Variants in ZNF324 observed in about 807,000 individuals in gnomAD.
ZNF324 encodes the protein zinc finger protein 324A.
Under a neutral mutation model 10.3 loss-of-function variants are expected in ZNF324, and 3 were observed. The observed-to-expected ratio is 0.29, with a 90% confidence interval of 0.13 to 0.75. ZNF324 has a LOEUF of 0.75. Ranked by LOEUF, ZNF324 falls within the 30% of genes least tolerant of loss-of-function variation. The probability of loss-of-function intolerance (pLI) is 0.69; values close to 1 mark genes in which losing one functional copy is unlikely to be tolerated. For missense variants in ZNF324, 763 were observed against 784.4 expected, an observed-to-expected ratio of 0.97 and a Z score of 0.33; for synonymous variants, 430 against 339.5, an observed-to-expected ratio of 1.27 and a Z score of -2.93.
Position 58,474,848 on chromosome 19 carries a change from T to G in ZNF324, c.*2694T>G, listed in dbSNP as rs935614555. 1.3e-5 allele frequency: 2 copies of G among 152,198 alleles called. No individual in the cohort carries two copies. Among genetic ancestry groups the G allele is most frequent in the African/African-American group, 4.8e-5 (2 of 41,384 alleles). The allele number at this position is 152,198 out of a possible 1,614,324, so 9.4% of individuals were successfully genotyped here. The stretch of plus-strand genomic sequence containing the variant: ...GCTAGAAGTGGGTGAGAGCTGTCAC[T>G]AAGTTAGGGAAGGCAAAATACTACG... On this transcript the variant is annotated 3_prime_UTR_variant, in exon 4 of 4. Coordinates refer to ENST00000196482, the MANE Select transcript of ZNF324 (RefSeq NM_014347.3).
In ZNF324 at chr19:58,472,426, T is replaced by G. The variant is rs2053045231; in HGVS notation, c.*272T>G. ...TGGGGCCGAGACTATTCAGAGCCAG[T>G]AGGAGGCCGACAGTCACAGCACTGC... On this transcript the variant is annotated 3_prime_UTR_variant, in exon 4 of 4. Coordinates refer to ENST00000196482, the MANE Select transcript of ZNF324 (RefSeq NM_014347.3). 8.2e-6 allele frequency: 4 copies of G among 490,642 alleles called. No individual in the cohort carries two copies. Among genetic ancestry groups the G allele is most frequent in the East Asian group, 3.1e-5 (1 of 31,800 alleles). 30.4% of individuals were successfully genotyped at this position (490,642 alleles called of 1,614,324 possible). A position where few individuals can be genotyped will look rare whatever the true frequency, so the allele number is the denominator to read the frequency against.
Position 58,471,515 on chromosome 19 carries a change from C to T in ZNF324, c.1023C>T (p.Phe341=). The T allele has an allele frequency of 6.4e-7, 1 of 1,574,418 alleles. No individual in the cohort carries two copies. The highest frequency in any genetic ancestry group is 8.6e-7 in the Non-Finnish European group (1 of 1,158,098). The change falls in exon 4 of 4, where the codon TTC becomes TTT. Residue 341 remains phenylalanine, a synonymous_variant. Coordinates refer to ENST00000196482, the MANE Select transcript of ZNF324 (RefSeq NM_014347.3). Reference sequence around the variant, plus strand: ...GCATCCACACGGCCGAGAAGTCCTTCCGCTGCTCCGAGTGCGGCAAGGCCT... The same window carrying T: ...GCATCCACACGGCCGAGAAGTCCTTTCGCTGCTCCGAGTGCGGCAAGGCCT... ...HQRIHTAEKS[F]RCSECGKAFS...
rs1440222239 is a variant in ZNF324, at chr19:58,471,440, C to T, written c.948C>T (p.Pro316=). The change falls in exon 4 of 4, where the codon CCC becomes CCT. Residue 316 remains proline, a synonymous_variant. Coordinates refer to ENST00000196482, the MANE Select transcript of ZNF324 (RefSeq NM_014347.3). ...GCGGCGAGACGCCCTACGCGTGCCC[C>T]GTGTGCGGCAAGGCCTTCCGGCATA... ...IHSGETPYAC[P]VCGKAFRHSS... 4.4e-6 allele frequency: 7 copies of T among 1,604,630 alleles called. No homozygotes were observed. Among genetic ancestry groups the T allele is most frequent in the Non-Finnish European group, 6.0e-6 (7 of 1,174,736 alleles).
chr19:58,472,437 C>T lies in ZNF324; in HGVS notation c.*283C>T, dbSNP rs2053045416. The T allele has an allele frequency of 6.2e-6, 3 of 480,494 alleles. No homozygotes were observed. The highest frequency in any genetic ancestry group is 1.9e-5 in the African/African-American group (1 of 52,110). The allele number at this position is 480,494 out of a possible 1,614,324, so 29.8% of individuals were successfully genotyped here. ...CTATTCAGAGCCAGTAGGAGGCCGACAGTCACAGCACTGCACTGTGGTGCG... is the reference window on the plus strand; with the variant it reads ...CTATTCAGAGCCAGTAGGAGGCCGATAGTCACAGCACTGCACTGTGGTGCG... On this transcript the variant is annotated 3_prime_UTR_variant, in exon 4 of 4. Transcript: ENST00000196482.
In ZNF324 at chr19:58,469,199, A is replaced by C; in HGVS notation, c.14A>C (p.Asp5Ala). 1 of 1,614,144 alleles carries C rather than the reference A, an allele frequency of 6.2e-7. No individual in the cohort carries two copies. Among genetic ancestry groups the C allele is most frequent in the Non-Finnish European group, 8.5e-7 (1 of 1,180,012 alleles). ...TTTTAGGACCAGATGGCCTTTGAGG[A>C]TGTGGCTGTGTACTTCTCCCAGGAG... MAFEDVAVYFSQEEW... is the reference protein window; with the variant it reads MAFEAVAVYFSQEEW... Residue 5 changes from aspartate (D) to alanine (A), a missense_variant, in exon 2 of 4, where the codon GAT becomes GCT. Transcript: ENST00000196482.
rs1225006496 is a variant in ZNF324, at chr19:58,469,839, A to G, written c.233A>G (p.Asn78Ser). ...TCCAGGACCACCTACAGGAGGCGCA[A>G]CCCTGGTGAGAGGGAGCTCAGGGTG... is the stretch of plus-strand genomic sequence containing the variant. ...TLSRTTYRRR[N>S]PGSWSLTEDR... The change falls in exon 3 of 4, where the codon AAC becomes AGC. Residue 78 changes from asparagine to serine, a missense_variant. By Grantham distance (46) the Asn-to-Ser change is conservative. This residue lies in a region of ZNF324 where 379 missense variants were observed against 319.4 expected (regional missense o/e 1.19). Transcript: ENST00000196482. The G allele has an allele frequency of 1.3e-6, 2 of 1,597,802 alleles. No individual in the cohort carries two copies. The highest frequency in any genetic ancestry group is 8.5e-7 in the Non-Finnish European group (1 of 1,172,166).
Position 58,472,325 on chromosome 19 carries a change from C to A in ZNF324, c.*171C>A. 1.5e-6 allele frequency: 1 copy of A among 671,774 alleles called. No homozygotes were observed. The highest frequency in any genetic ancestry group is 2.5e-6 in the Non-Finnish European group (1 of 407,648). The allele number at this position is 671,774 out of a possible 1,614,324, so 41.6% of individuals were successfully genotyped here. On this transcript the variant is annotated 3_prime_UTR_variant, in exon 4 of 4. Transcript: ENST00000196482. ...TGGGGACAGGATTTGCCAGTTCACC[C>A]ACAGATCACACCTCCATCCCCAAAG...
At position 58,471,239 on chromosome 19, in the gene ZNF324, T is replaced by C; in HGVS notation, c.747T>C (p.Ala249=). ...CGACCTGGGACGAGCTGGGCGAGGC[T>C]CTTCACGCTGGGGAGAAGTCCTTCG... ...EPSTWDELGE[A]LHAGEKSFEC... Residue 249 remains alanine (A), a synonymous_variant, in exon 4 of 4, where the codon GCT becomes GCC. Transcript: ENST00000196482. 1 of 1,613,482 alleles carries C rather than the reference T, an allele frequency of 6.2e-7. No individual in the cohort carries two copies. The highest frequency in any genetic ancestry group is 1.3e-5 in the African/African-American group (1 of 74,982).
At chr19:58,470,653 T>C (rs1193697251) in intron 3 of ZNF324, 78 bp from the exon 4 acceptor site, 5 of 1,586,204 alleles carry the variant, frequency 3.2e-6, no homozygotes, top group Non-Finnish European at 4.3e-6. Context: ...CGGGGTTCCT[T>C]CTTGCCTGTC....
At position 58,470,931 on chromosome 19, in the gene ZNF324, C is replaced by A. The variant is rs1355122364; in HGVS notation, c.439C>A (p.Leu147Ile). 6.2e-7 allele frequency: 1 copy of A among 1,614,244 alleles called. No individual in the cohort carries two copies. Among genetic ancestry groups the A allele is most frequent in the Non-Finnish European group, 8.5e-7 (1 of 1,180,048 alleles). Residue 147 changes from leucine to isoleucine, a missense_variant, in exon 4 of 4, where the codon CTC becomes ATC. Physicochemically the swap from Leu to Ile is conservative, Grantham distance 5. This residue lies in a region of ZNF324 where 379 missense variants were observed against 319.4 expected (regional missense o/e 1.19). Coordinates refer to ENST00000196482, the MANE Select transcript of ZNF324 (RefSeq NM_014347.3). Reference protein sequence around the residue: ...TGVSVIYWERLLLGSGSGQAS... With the variant: ...TGVSVIYWERILLGSGSGQAS... ...GGTGTCGGTGATCTACTGGGAGAGG[C>A]TCCTGCTAGGCTCAGGCAGTGGGCA...
Position 58,471,764 on chromosome 19 carries a change from C to A in ZNF324, c.1272C>A (p.Pro424=). 1.2e-6 allele frequency: 2 copies of A among 1,612,970 alleles called. No individual in the cohort carries two copies. Among genetic ancestry groups the A allele is most frequent in the Non-Finnish European group, 1.7e-6 (2 of 1,179,772 alleles). The change falls in exon 4 of 4, where the codon CCC becomes CCA. Residue 424 remains proline (P), a synonymous_variant. Coordinates refer to ENST00000196482, the MANE Select transcript of ZNF324 (RefSeq NM_014347.3). ...KHQRVHTGEK[P]FACPQCGRAF... is the part of the protein sequence containing the mutation. Reference sequence around the variant, plus strand: ...AGCGCGTGCACACAGGCGAGAAGCCCTTCGCCTGCCCACAGTGCGGCCGCG... The same window carrying A: ...AGCGCGTGCACACAGGCGAGAAGCCATTCGCCTGCCCACAGTGCGGCCGCG...
At chr19:58,470,559 A>G (rs1478690939) in intron 3 of ZNF324, 172 bp from the exon 4 acceptor site, 1 of 782,990 alleles carries the variant, frequency 1.3e-6, no homozygotes, top group Non-Finnish European at 2.2e-6. Context: ...CATACCTATC[A>G]GGGCAGATTG....
intron 3 of ZNF324, 117 bp from the exon 4 acceptor site, chr19:58,470,614 A>T: frequency 7.6e-7 from 1 of 1,315,096 alleles, no homozygotes. Flanking sequence ...CCTCACCTCT[A>T]CTTTTCCCCT....
rs573563042 is a variant in ZNF324 at position 58,472,384 on chromosome 19, T to C, written c.*230T>C. 3.2e-5 allele frequency: 18 copies of C among 559,954 alleles called. No individual in the cohort carries two copies. Among genetic ancestry groups the C allele is most frequent in the Non-Finnish European group, 5.3e-5 (17 of 318,268 alleles). 34.7% of individuals were successfully genotyped at this position (559,954 alleles called of 1,614,324 possible). A position where few individuals can be genotyped will look rare whatever the true frequency, so the allele number is the denominator to read the frequency against. On this transcript the variant is annotated 3_prime_UTR_variant, in exon 4 of 4. Coordinates refer to ENST00000196482, the MANE Select transcript of ZNF324 (RefSeq NM_014347.3). ...CTGCAGCAACATCAGGGGGAGGACG[T>C]GGTGGCTGAACTCTAGTGGGGCCGA...
In ZNF324 at chr19:58,469,098, C is replaced by T. The variant is rs543580887; in HGVS notation, c.-6-82C>T. 120 of 1,570,498 alleles carry T rather than the reference C, an allele frequency of 7.6e-5. 1 individual carries two copies. The African/African-American group carries it at 1.1e-3, about 14-fold the overall frequency. On this transcript the variant is annotated intron_variant, in intron 1 of 3. Transcript: ENST00000196482. Reference sequence around the variant, plus strand: ...TTATGTGTTGCCCAAGACAATTCTTCTTCCAATGTGGCCCAGGGAAGCCAA... The same window carrying T: ...TTATGTGTTGCCCAAGACAATTCTTTTTCCAATGTGGCCCAGGGAAGCCAA...
rs770198293 is a variant in ZNF324 at position 58,469,237 on chromosome 19, C to T, written c.52C>T (p.Leu18=). 3.3e-5 allele frequency: 54 copies of T among 1,614,054 alleles called. 1 individual carries two copies. The South Asian group carries it at 5.4e-4, about 16-fold the overall frequency. Residue 18 remains leucine, a synonymous_variant, in exon 2 of 4, where the codon CTG becomes TTG. Transcript: ENST00000196482. ...CTTCTCCCAGGAGGAGTGGGGGCTC[C>T]TGGACACAGCCCAGAGGGCCCTGTA... is the stretch of plus-strand genomic sequence containing the variant. ...VYFSQEEWGL[L]DTAQRALYRR...
Position 58,471,008 on chromosome 19 carries a change from C to T in ZNF324, c.516C>T (p.Val172=). ...LTSPLRPPEG[V]RLREKTLTEH... is the part of the protein sequence containing the mutation. ...CCCCGCTTAGGCCTCCCGAGGGCGT[C>T]CGGCTTAGAGAAAAGACACTCACAG... Residue 172 remains valine, a synonymous_variant, in exon 4 of 4, where the codon GTC becomes GTT. Coordinates refer to ENST00000196482, the MANE Select transcript of ZNF324 (RefSeq NM_014347.3). The T allele has an allele frequency of 6.2e-7, 1 of 1,614,178 alleles. No individual in the cohort carries two copies. The highest frequency in any genetic ancestry group is 8.5e-7 in the Non-Finnish European group (1 of 1,180,042).
chr19:58,475,091 G>C lies in ZNF324; in HGVS notation c.*2937G>C, dbSNP rs905357739. The C allele has an allele frequency of 7.2e-5, 11 of 152,028 alleles. No homozygotes were observed. The highest frequency in any genetic ancestry group is 2.0e-4 in the Admixed American group (3 of 15,254). 9.4% of individuals were successfully genotyped at this position (152,028 alleles called of 1,614,324 possible). A position where few individuals can be genotyped will look rare whatever the true frequency, so the allele number is the denominator to read the frequency against. On this transcript the variant is annotated 3_prime_UTR_variant, in exon 4 of 4. Transcript: ENST00000196482. ...GGACTCTGCATAGTCCCAGAGAAAAGGCCTAAGCACCTCATCCCCAAAAAC... is the reference window on the plus strand; with the variant it reads ...GGACTCTGCATAGTCCCAGAGAAAACGCCTAAGCACCTCATCCCCAAAAAC...
In ZNF324 at chr19:58,469,978, C is replaced by T; in HGVS notation, c.238+134C>T. Reference sequence around the variant, plus strand: ...ATTCCCTTCCCTTCCATCATCAGCCCCTCCTGGAGGCTGCAGCCTTAGCTG... The same window carrying T: ...ATTCCCTTCCCTTCCATCATCAGCCTCTCCTGGAGGCTGCAGCCTTAGCTG... On this transcript the variant is annotated intron_variant, in intron 3 of 3. Transcript: ENST00000196482. 5 of 703,776 alleles carry T rather than the reference C, an allele frequency of 7.1e-6. No homozygotes were observed. In the East Asian group the frequency reaches 8.2e-5, roughly 12 times the overall value. The allele number at this position is 703,776 out of a possible 1,614,324, so 43.6% of individuals were successfully genotyped here.
Sources: allele counts gnomAD v4.1 joint callset, GRCh38; gene constraint gnomAD v4.1.1; regional missense constraint gnomAD v4.1.1; transcripts MANE v1.5; gene names NCBI Gene and HGNC (gene_info 2026-07-23, HGNC 2026-07-21).